The following JARID2 variants were observed in gnomAD, a reference collection of about 807,000 sequenced individuals.
The protein encoded by JARID2 is protein Jumonji.
In JARID2, 21 loss-of-function variants were observed where a neutral mutation model predicts 125.6. The ratio of observed to expected loss-of-function variants is 0.17; its 90% CI spans 0.12 to 0.24. JARID2 has a LOEUF of 0.24. JARID2 is among the 10% of genes least tolerant of loss of function. The pLI is 1.00. For synonymous variants in JARID2, 736 were observed against 661.6 expected (o/e 1.11, Z -1.73); for missense variants, 1,303 against 1,639.6 (o/e 0.79, Z 3.55).
At chr6:15,350,730 G>GT (rs538674872) in intron 1 of JARID2, among the ~76,000 whole-genome samples, 33,097 of 130,364 alleles carry the variant, frequency 0.25, 4,229 homozygotes, top group East Asian at 0.39. Flanking sequence ...ATAGTTTAAG[G>GT]TTTTTTTTTT....
chr6:15,471,145 T>C lies in JARID2; in HGVS notation c.670+2427T>C, dbSNP rs544598756. On this transcript the variant is annotated intron_variant, in intron 5 of 17. Transcript: ENST00000341776. ...CCTGCAGAGGCGGGGGTGAAGGTAA[T>C]TGAATAGGAATTAGGAATGGGTTGA... Among the ~76,000 whole-genome samples the C allele has an allele frequency of 2.0e-5, 3 of 152,286 alleles. No individual in the cohort carries two copies. The East Asian group carries it at 5.8e-4, about 29-fold the overall frequency.
chr6:15,350,463 T>C (rs899430159), intron 1 of JARID2, among the ~76,000 whole-genome samples: 1 of 152,192 alleles, frequency 6.6e-6, no homozygotes, highest in Non-Finnish European at 1.5e-5. Flanking sequence ...GGAGACTCTA[T>C]AGCTAGTGGG....
intron 2 of JARID2, chr6:15,401,166 A>G: frequency 1.1e-6 from 1 of 942,316 alleles, no homozygotes; most frequent in Non-Finnish European, 1.4e-6. Context: ...ATATATATAT[A>G]TATATATGAG....
chr6:15,422,962 A>G (rs950505960), intron 3 of JARID2, among the ~76,000 whole-genome samples: 8 of 149,992 alleles, frequency 5.3e-5, no homozygotes, highest in Non-Finnish European at 1.2e-4. Context: ...CTATGCTATC[A>G]AGGCTTACAG....
Position 15,284,032 on chromosome 6 carries a change from T to C in JARID2, c.45+37448T>C, listed in dbSNP as rs554903163. On this transcript the variant is annotated intron_variant, in intron 1 of 17. Coordinates refer to ENST00000341776, the MANE Select transcript of JARID2 (RefSeq NM_004973.4). ...TCCTTTAAGTATGTTTATAGTGTTTTTTCTTTCATAGAAGTTTTAAATTTT... is the reference window on the plus strand; with the variant it reads ...TCCTTTAAGTATGTTTATAGTGTTTCTTCTTTCATAGAAGTTTTAAATTTT... 3.9e-5 allele frequency among the ~76,000 whole-genome samples: 6 copies of C among 152,356 alleles called. No individual in the cohort carries two copies. In the East Asian group the frequency reaches 1.2e-3, roughly 29 times the overall value.
At chr6:15,451,456 CTT>C (rs2064032747) in intron 3 of JARID2, among the ~76,000 whole-genome samples, 1 of 152,084 alleles carries the variant, frequency 6.6e-6, no homozygotes. Context: ...GTAGTACAAA[CTT>C]GAATTGTTGT....
intron 1 of JARID2, among the ~76,000 whole-genome samples, chr6:15,366,450 A>T (rs1763976823): frequency 7.5e-6 from 1 of 132,956 alleles, no homozygotes; most frequent in East Asian, 2.4e-4. Flanking sequence ...TTTCTTTTTG[A>T]AAGTAGCCAC....
At chr6:15,425,776 AAG>A (rs1398696355) in intron 3 of JARID2, among the ~76,000 whole-genome samples, 8 of 152,244 alleles carry the variant, frequency 5.3e-5, no homozygotes, top group Admixed American at 3.9e-4. Context: ...CAAATGGACT[AAG>A]AGCGCAAGTG....
intron 3 of JARID2, among the ~76,000 whole-genome samples, chr6:15,443,838 T>C (rs1326977086): frequency 6.6e-6 from 1 of 152,120 alleles, no homozygotes; most frequent in African/African-American, 2.4e-5. Flanking sequence ...GGTGACAAGT[T>C]AGGTGAACTA....
intron 1 of JARID2, among the ~76,000 whole-genome samples, chr6:15,335,338 G>A (rs1230055669): frequency 6.6e-6 from 1 of 152,070 alleles, no homozygotes; most frequent in Non-Finnish European, 1.5e-5. Flanking sequence ...GGCCTCAAGC[G>A]ATCTGCCCAC....
intron 1 of JARID2, among the ~76,000 whole-genome samples, chr6:15,343,805 G>A (rs1020760899): frequency 6.6e-6 from 1 of 152,232 alleles, no homozygotes; most frequent in African/African-American, 2.4e-5. Flanking sequence ...GCAAGTGCTG[G>A]TGGTGAGTTG....
At chr6:15,484,530 A>G (rs935196212) in intron 5 of JARID2, among the ~76,000 whole-genome samples, 2 of 152,206 alleles carry the variant, frequency 1.3e-5, no homozygotes, top group African/African-American at 4.8e-5. Context: ...CCTTTTAAAC[A>G]TGCAGTGATA....
At chr6:15,303,933 A>C (rs1761719832) in intron 1 of JARID2, among the ~76,000 whole-genome samples, 1 of 152,152 alleles carries the variant, frequency 6.6e-6, no homozygotes, top group South Asian at 2.1e-4. Context: ...AGTGGTTGGG[A>C]GCACTGGGTT....
chr6:15,400,472 T>C (rs1581506111), intron 2 of JARID2, among the ~76,000 whole-genome samples: 2 of 133,132 alleles, frequency 1.5e-5, no homozygotes, highest in East Asian at 4.8e-4. Context: ...GTCCGCTGTC[T>C]GTGGGGGTGG....
intron 4 of JARID2, among the ~76,000 whole-genome samples, chr6:15,461,753 T>G (rs1768460115): frequency 1.3e-5 from 2 of 152,188 alleles, no homozygotes; most frequent in Admixed American, 6.5e-5. Context: ...TAAAAATGTT[T>G]CGACTGAAGA....
chr6:15,452,236 A>G (rs1229509608), intron 4 of JARID2, 61 bp downstream of exon 4: 21 of 1,585,468 alleles, frequency 1.3e-5, no homozygotes, highest in South Asian at 2.3e-5. Flanking sequence ...CCTGAGGTCT[A>G]CGTGGAGTAA....
At chr6:15,414,184 T>C (rs1766026745) in intron 3 of JARID2, among the ~76,000 whole-genome samples, 1 of 152,060 alleles carries the variant, frequency 6.6e-6, no homozygotes, top group Non-Finnish European at 1.5e-5. Flanking sequence ...TTATGGAAAA[T>C]AAAAATCTAT....
intron 1 of JARID2, among the ~76,000 whole-genome samples, chr6:15,301,788 A>G (rs999650415): frequency 2.0e-5 from 3 of 152,238 alleles, no homozygotes; most frequent in Non-Finnish European, 4.4e-5. Context: ...CCTCTTTGGT[A>G]TGTTGGTAAA....
chr6:15,416,243 A>ATG (rs1766201969), intron 3 of JARID2, among the ~76,000 whole-genome samples: 1 of 145,994 alleles, frequency 6.8e-6, no homozygotes. Flanking sequence ...GTCCCAGACG[A>ATG]TGGGCGGCCA....
Sources: gnomAD v4.1 joint callset for allele counts (sites outside exome capture counted in the v4.1 genomes callset) on GRCh38, gnomAD v4.1.1 for gene constraint, MANE v1.5 for transcripts, NCBI Gene and HGNC (gene_info 2026-07-23, HGNC 2026-07-21) for gene names.